Variants in HAPSTR1 observed in about 807,000 individuals in gnomAD.
HAPSTR1 encodes the protein HUWE1-associated protein modifying stress responses 1.
the HAPSTR1 span, chr16:9,105,183 A>G: frequency 8.5e-5 from 13 of 152,242 alleles, no homozygotes; most frequent in Non-Finnish European, 1.6e-4. Context: ...AAGCAATGAT[A>G]CAGTTGAAGG....
At chr16:9,114,245 T>C in the HAPSTR1 span, among the ~76,000 whole-genome samples, 1 of 152,114 alleles carries the variant, frequency 6.6e-6, no homozygotes, top group East Asian at 1.9e-4. Context: ...AGCTCATTAG[T>C]CTAGTTTTGG....
chr16:9,093,797 G>T, the HAPSTR1 span, among the ~76,000 whole-genome samples: 1 of 151,778 alleles, frequency 6.6e-6, no homozygotes, highest in East Asian at 1.9e-4. Context: ...GGTGGGTTTA[G>T]ATTTTGTGCC....
the HAPSTR1 span, chr16:9,104,944 C>T: frequency 6.6e-6 from 1 of 152,256 alleles, no homozygotes. Flanking sequence ...CCATGCTTCT[C>T]TTAAGGTATC....
At chr16:9,093,042 C>CGCCTGCGTCAGGGTGTCTG in the HAPSTR1 span, 2 of 1,559,674 alleles carry the variant, frequency 1.3e-6, no homozygotes, top group South Asian at 2.3e-5. Context: ...AGGGAAGGGC[C>CGCCTGCGTCAGGGTGTCTG]GCCTGCGTCA....
the HAPSTR1 span, among the ~76,000 whole-genome samples, chr16:9,099,071 G>C: frequency 6.6e-6 from 1 of 151,754 alleles, no homozygotes; most frequent in Admixed American, 6.6e-5. Context: ...CCAGCCCGTT[G>C]TGGTGGGAGA....
the HAPSTR1 span, chr16:9,108,035 G>T: frequency 1.3e-5 from 2 of 152,162 alleles, no homozygotes; most frequent in South Asian, 4.1e-4. Flanking sequence ...TACAATCAGG[G>T]AATAATGTAA....
At chr16:9,096,068 T>C in the HAPSTR1 span, among the ~76,000 whole-genome samples, 1 of 152,222 alleles carries the variant, frequency 6.6e-6, no homozygotes, top group Admixed American at 6.5e-5. Context: ...CCACATTGCC[T>C]GAGTTCAGAT....
At chr16:9,093,342 T>TA in the HAPSTR1 span, among the ~76,000 whole-genome samples, 1 of 152,098 alleles carries the variant, frequency 6.6e-6, no homozygotes, top group Non-Finnish European at 1.5e-5. Flanking sequence ...ATCATGCCCC[T>TA]AAAGTCAGTA....
chr16:9,120,695 T>TTTTTTTG, the HAPSTR1 span: 6 of 126,138 alleles, frequency 4.8e-5, no homozygotes, highest in East Asian at 2.0e-4. Flanking sequence ...TTTTTTTTTT[T>TTTTTTTG]GTGATGGAGT....
the HAPSTR1 span, among the ~76,000 whole-genome samples, chr16:9,094,465 C>G: frequency 1.5e-4 from 23 of 151,832 alleles, no homozygotes; most frequent in African/African-American, 5.6e-4. Context: ...AGTAAAATCA[C>G]TGTTTTAGGA....
chr16:9,094,052 C>CACA, the HAPSTR1 span, among the ~76,000 whole-genome samples: 1 of 152,106 alleles, frequency 6.6e-6, no homozygotes, highest in East Asian at 1.9e-4. Flanking sequence ...GCTTGACTGT[C>CACA]AAGTTGTTAA....
At chr16:9,106,846 C>A in the HAPSTR1 span, 2 of 152,098 alleles carry the variant, frequency 1.3e-5, no homozygotes, top group East Asian at 3.9e-4. Context: ...TGAATTAATA[C>A]CAACAACTGG....
At chr16:9,099,869 T>TGA in the HAPSTR1 span, among the ~76,000 whole-genome samples, 6 of 152,206 alleles carry the variant, frequency 3.9e-5, no homozygotes, top group Admixed American at 3.9e-4. Context: ...GCTCAAGTTA[T>TGA]GAGAAAGGTT....
chr16:9,095,618 G>T, the HAPSTR1 span, among the ~76,000 whole-genome samples: 1 of 151,796 alleles, frequency 6.6e-6, no homozygotes, highest in Non-Finnish European at 1.5e-5. Flanking sequence ...TCTCAATCCT[G>T]ACCTTCATTA....
chr16:9,100,784 C>T, the HAPSTR1 span, among the ~76,000 whole-genome samples: 1 of 152,154 alleles, frequency 6.6e-6, no homozygotes, highest in Non-Finnish European at 1.5e-5. Context: ...ATCCACCCAC[C>T]TTGGCCTCCC....
chr16:9,102,934 CG>C, the HAPSTR1 span: 1 of 1,569,062 alleles, frequency 6.4e-7, no homozygotes, highest in Non-Finnish European at 8.7e-7. Context: ...GAAGGGAATA[CG>C]GGCTCTAATG....
the HAPSTR1 span, chr16:9,103,765 C>T: frequency 1.3e-5 from 2 of 155,420 alleles, no homozygotes; most frequent in African/African-American, 2.4e-5. Context: ...TGTCGTCCCT[C>T]AGGTCCCTTG....
At chr16:9,117,206 GTA>G in the HAPSTR1 span, 1 of 286,366 alleles carries the variant, frequency 3.5e-6, no homozygotes, top group Non-Finnish European at 6.6e-6. Context: ...GACCTTAACT[GTA>G]TTTATTCTCA....
the HAPSTR1 span, chr16:9,092,893 T>C: frequency 1.9e-5 from 9 of 477,096 alleles, no homozygotes; most frequent in Admixed American, 9.4e-5. Context: ...TTCTTTTTGG[T>C]TTTTTTTTTT....
Sources: gnomAD v4.1 joint callset for allele counts (sites outside exome capture counted in the v4.1 genomes callset) on GRCh38, gnomAD v4.1.1 for gene constraint, MANE v1.5 for transcripts, NCBI Gene and HGNC (gene_info 2026-07-23, HGNC 2026-07-21) for gene names.